TOM1L2: variants seen among roughly 807,000 people sequenced by gnomAD.
The protein encoded by TOM1L2 is target of myb1 like 2 membrane trafficking protein, also known as TOM1-like protein 2.
A neutral mutation model predicts 67.9 loss-of-function variants in TOM1L2; 31 were observed. The ratio of observed to expected loss-of-function variants is 0.46; its 90% CI spans 0.34 to 0.62. The LOEUF is 0.62. Ranked by LOEUF, TOM1L2 falls within the 20% of genes least tolerant of loss-of-function variation. The pLI, the probability that TOM1L2 is intolerant of heterozygous loss-of-function variation, is 0.01. For synonymous variants in TOM1L2, 256 were observed against 254.0 expected, an observed-to-expected ratio of 1.01 and a Z score of -0.07; for missense variants, 606 against 663.5, an observed-to-expected ratio of 0.91 and a Z score of 0.95.
At chr17:17,942,094 A>C (rs1295700209) in intron 1 of TOM1L2, among the ~76,000 whole-genome samples, 1 of 152,246 alleles carries the variant, frequency 6.6e-6, no homozygotes, top group Non-Finnish European at 1.5e-5. Flanking sequence ...ACAGCTCCTA[A>C]AACGAGAGGC....
At chr17:17,879,407 G>GA (rs11450891) in intron 7 of TOM1L2, among the ~76,000 whole-genome samples, 84,077 of 151,864 alleles carry the variant, frequency 0.55, 24,147 homozygotes, top group Non-Finnish European at 0.61. Flanking sequence ...TTATAATCAG[G>GA]AAAAAAATGT....
Position 17,844,348 on chromosome 17 carries a change from C to T in TOM1L2, c.*3287G>A, listed in dbSNP as rs1425977187. 1 of 152,104 alleles carries T rather than the reference C, an allele frequency of 6.6e-6. No individual in the cohort carries two copies. The highest frequency in any genetic ancestry group is 1.5e-5 in the Non-Finnish European group (1 of 68,028). The allele number at this position is 152,104 out of a possible 1,614,324, so 9.4% of individuals were successfully genotyped here. On this transcript the variant is annotated 3_prime_UTR_variant, in exon 15 of 15. Coordinates refer to ENST00000379504, the MANE Select transcript of TOM1L2 (RefSeq NM_001082968.2). Reference sequence around the variant, plus strand: ...CTGTTGCCCTTGGGCCATGTGGAGCCCTTGCCCCAACTCTCCGGGCTGGGT... The same window carrying T: ...CTGTTGCCCTTGGGCCATGTGGAGCTCTTGCCCCAACTCTCCGGGCTGGGT...
intron 4 of TOM1L2, among the ~76,000 whole-genome samples, chr17:17,890,169 T>A (rs1373359446): frequency 6.6e-6 from 1 of 152,116 alleles, no homozygotes; most frequent in Non-Finnish European, 1.5e-5. Flanking sequence ...TAAAAAAAGG[T>A]TGACCCAATG....
intron 5 of TOM1L2, among the ~76,000 whole-genome samples, chr17:17,883,519 G>T (rs1260382817): frequency 1.3e-5 from 2 of 152,250 alleles, no homozygotes; most frequent in East Asian, 3.9e-4. Context: ...TGGATCACAA[G>T]GTCAGGAGAT....
intron 1 of TOM1L2, among the ~76,000 whole-genome samples, chr17:17,939,619 TG>T (rs2040647464): frequency 1.3e-5 from 2 of 152,360 alleles, no homozygotes; most frequent in Non-Finnish European, 2.9e-5. Context: ...TGATAATTGT[TG>T]AAGTTCTATA....
chr17:17,845,101 C>G lies in TOM1L2; in HGVS notation c.*2534G>C, dbSNP rs1313542638. On this transcript the variant is annotated 3_prime_UTR_variant, in exon 15 of 15. Transcript: ENST00000379504. ...TCGCCAGGGCTAAGTGGAACCCACTCTGGGGCACCGGGGCTATACTTGCTT... is the reference window on the plus strand; with the variant it reads ...TCGCCAGGGCTAAGTGGAACCCACTGTGGGGCACCGGGGCTATACTTGCTT... 6.6e-6 allele frequency: 1 copy of G among 152,362 alleles called. No individual in the cohort carries two copies. Among genetic ancestry groups the G allele is most frequent in the African/African-American group, 2.4e-5 (1 of 41,454 alleles). 9.4% of individuals were successfully genotyped at this position (152,362 alleles called of 1,614,324 possible).
At chr17:17,873,958 A>AT (rs570992376) in intron 7 of TOM1L2, among the ~76,000 whole-genome samples, 138 of 141,256 alleles carry the variant, frequency 9.8e-4, no homozygotes, top group East Asian at 5.8e-3. Context: ...TTACTTACTT[A>AT]TTTTTTTTTT....
At chr17:17,886,699 T>A (rs1172782050) in intron 4 of TOM1L2, among the ~76,000 whole-genome samples, 1 of 152,242 alleles carries the variant, frequency 6.6e-6, no homozygotes, top group East Asian at 1.9e-4. Flanking sequence ...TTTCAATTCA[T>A]CTAGCTCTCT....
chr17:17,913,196 AC>A (rs917177663), intron 1 of TOM1L2, among the ~76,000 whole-genome samples: 29 of 150,306 alleles, frequency 1.9e-4, no homozygotes, highest in Non-Finnish European at 2.7e-4. Flanking sequence ...GGAGAGGGAG[AC>A]CGTGGGGAGA....
At chr17:17,945,689 G>T (rs985454056) in intron 1 of TOM1L2, among the ~76,000 whole-genome samples, 1 of 151,934 alleles carries the variant, frequency 6.6e-6, no homozygotes, top group East Asian at 1.9e-4. Flanking sequence ...GACTTTCTCT[G>T]CATAGCTATA....
At chr17:17,925,140 A>G (rs1324411442) in intron 1 of TOM1L2, among the ~76,000 whole-genome samples, 1 of 152,142 alleles carries the variant, frequency 6.6e-6, no homozygotes, top group Non-Finnish European at 1.5e-5. Context: ...TGCCAGTACT[A>G]TGCTTCCTAT....
chr17:17,931,304 T>C (rs1421018172), intron 1 of TOM1L2, among the ~76,000 whole-genome samples: 5 of 152,212 alleles, frequency 3.3e-5, no homozygotes, highest in African/African-American at 1.2e-4. Flanking sequence ...CCCATGCCTC[T>C]GCACTGCCAA....
At chr17:17,883,398 C>T (rs1320717774) in intron 5 of TOM1L2, among the ~76,000 whole-genome samples, 3 of 152,164 alleles carry the variant, frequency 2.0e-5, no homozygotes, top group Admixed American at 1.3e-4. Flanking sequence ...CAAAGCATAG[C>T]GCGTGGTCTG....
intron 1 of TOM1L2, among the ~76,000 whole-genome samples, chr17:17,925,742 C>T (rs2040055773): frequency 6.7e-6 from 1 of 149,702 alleles, no homozygotes; most frequent in African/African-American, 2.5e-5. Flanking sequence ...ATAGTCCCAG[C>T]TACTTGGGAG....
intron 1 of TOM1L2, among the ~76,000 whole-genome samples, chr17:17,917,450 CTTTTTTTTTTTTT>C (rs71155307): frequency 0.013 from 477 of 36,390 alleles, 3 homozygotes; most frequent in African/African-American, 0.037. Context: ...TACCATTGGT[CTTTTTTTTTTTTT>C]TTTTTTTTTT....
intron 1 of TOM1L2, among the ~76,000 whole-genome samples, chr17:17,970,174 C>G (rs566373428): frequency 3.9e-5 from 6 of 152,254 alleles, no homozygotes; most frequent in African/African-American, 1.4e-4. Context: ...CCTGCCTCAG[C>G]CTCCCGAGTA....
At chr17:17,963,707 A>T (rs2041778830) in intron 1 of TOM1L2, among the ~76,000 whole-genome samples, 1 of 152,234 alleles carries the variant, frequency 6.6e-6, no homozygotes, top group Admixed American at 6.5e-5. Flanking sequence ...AACTATGAAG[A>T]ATATACTCTA....
intron 1 of TOM1L2, among the ~76,000 whole-genome samples, chr17:17,920,151 T>C (rs1050899540): frequency 3.3e-5 from 5 of 152,074 alleles, no homozygotes; most frequent in Non-Finnish European, 5.9e-5. Context: ...AAGTCTTAAG[T>C]GTAAAAGAGA....
chr17:17,902,768 A>C (rs2038913644), intron 2 of TOM1L2, among the ~76,000 whole-genome samples: 1 of 152,262 alleles, frequency 6.6e-6, no homozygotes, highest in Admixed American at 6.5e-5. Context: ...GAAATCTTTA[A>C]AGTGAAATAG....
Sources: allele counts gnomAD v4.1 joint callset (sites outside exome capture counted in the v4.1 genomes callset), GRCh38; gene constraint gnomAD v4.1.1; transcripts MANE v1.5; gene names NCBI Gene and HGNC (gene_info 2026-07-23, HGNC 2026-07-21).